The following CNTNAP5 variants were observed in gnomAD, a reference collection of about 807,000 sequenced individuals.
CNTNAP5 encodes the protein contactin associated protein family member 5.
Under a neutral mutation model 150.2 loss-of-function variants are expected in CNTNAP5, and 72 were observed. The observed-to-expected ratio is 0.48, with a 90% CI of 0.40 to 0.58. The LOEUF is 0.58. Ranked by LOEUF, CNTNAP5 falls within the 20% of genes least tolerant of loss-of-function variation. The pLI, the probability that CNTNAP5 is intolerant of heterozygous loss-of-function variation, is 0.00. For synonymous variants in CNTNAP5, 672 were observed against 619.8 expected (o/e 1.08, Z -1.25); for missense variants, 1,636 against 1,626.2 (o/e 1.01, Z -0.10).
rs187424969 is a variant in CNTNAP5, at chr2:124,387,926, G to C, written c.382-29517G>C. 8.1e-3 allele frequency among the ~76,000 whole-genome samples: 1,226 copies of C among 152,248 alleles called. 11 individuals carry two copies. The highest frequency in any genetic ancestry group is 0.012 in the Non-Finnish European group (800 of 68,016). ...CTCTGAGTCCAAAGCTTTTGCTGGG[G>C]AATGCAATCCTAGAGAATCAGGAGT... On this transcript the variant is annotated intron_variant, in intron 3 of 23. Coordinates refer to ENST00000682447, the MANE Select transcript of CNTNAP5 (RefSeq NM_001367498.1).
At chr2:124,616,095 C>T (rs1308636861) in intron 12 of CNTNAP5, among the ~76,000 whole-genome samples, 2 of 152,090 alleles carry the variant, frequency 1.3e-5, no homozygotes, top group African/African-American at 4.8e-5. Context: ...TCTTATGGAT[C>T]CTAGGATTTT....
chr2:124,845,268 G>C (rs972734347), intron 19 of CNTNAP5, among the ~76,000 whole-genome samples: 1 of 151,762 alleles, frequency 6.6e-6, no homozygotes, highest in Non-Finnish European at 1.5e-5. Context: ...TTTTGTTTAG[G>C]TGTTGTATCA....
rs540170184 is a variant in CNTNAP5, at chr2:124,480,118, C to G, written c.1062+5236C>G. 5.3e-5 allele frequency among the ~76,000 whole-genome samples: 8 copies of G among 152,318 alleles called. No individual in the cohort carries two copies. The South Asian group carries it at 1.7e-3, about 32-fold the overall frequency. On this transcript the variant is annotated intron_variant, in intron 7 of 23. Transcript: ENST00000682447. ...AATAAAAGTTGATTGGAGATAGCTC[C>G]TGTTCTTTCCTGAATCTGAGTTTCT...
chr2:124,229,422 G>A (rs1003725559), intron 2 of CNTNAP5, among the ~76,000 whole-genome samples: 1 of 152,064 alleles, frequency 6.6e-6, no homozygotes, highest in East Asian at 1.9e-4. Context: ...TCGATAGAAG[G>A]GATTTGCCAA....
intron 3 of CNTNAP5, among the ~76,000 whole-genome samples, chr2:124,285,818 A>G: frequency 6.6e-6 from 1 of 151,930 alleles, no homozygotes; most frequent in East Asian, 1.9e-4. Flanking sequence ...CAAACAAACA[A>G]ACAAACGAAA....
intron 3 of CNTNAP5, among the ~76,000 whole-genome samples, chr2:124,247,595 A>T (rs5013871): frequency 1.4e-5 from 2 of 138,476 alleles, no homozygotes; most frequent in African/African-American, 5.1e-5. Context: ...ATATACAAAA[A>T]AATGGGAAGA....
At position 124,748,513 on chromosome 2, in the gene CNTNAP5, C is replaced by T. The variant is rs192538492; in HGVS notation, c.2234+1128C>T. On this transcript the variant is annotated intron_variant, in intron 14 of 23. Coordinates refer to ENST00000682447, the MANE Select transcript of CNTNAP5 (RefSeq NM_001367498.1). ...TTGTTTTGACTGAATTTAAAGCATTCTTTGGTTTTGGCTTAGCAATTTTGC... is the reference window on the plus strand; with the variant it reads ...TTGTTTTGACTGAATTTAAAGCATTTTTTGGTTTTGGCTTAGCAATTTTGC... Among the ~76,000 whole-genome samples the T allele has an allele frequency of 3.3e-5, 5 of 152,230 alleles. No homozygotes were observed. In the East Asian group the frequency reaches 9.7e-4, roughly 29 times the overall value.
chr2:124,679,227 A>T (rs1679009161), intron 13 of CNTNAP5, among the ~76,000 whole-genome samples: 1 of 151,842 alleles, frequency 6.6e-6, no homozygotes, highest in Admixed American at 6.7e-5. Context: ...CCTCAAGGAG[A>T]TGAATTGAGC....
chr2:124,027,048 A>G (rs1479739737), intron 1 of CNTNAP5, among the ~76,000 whole-genome samples: 2 of 152,202 alleles, frequency 1.3e-5, no homozygotes, highest in Non-Finnish European at 1.5e-5. Context: ...ATTGTATTAA[A>G]GTTTGTGTTC....
At chr2:124,160,745 T>C (rs1684655647) in intron 1 of CNTNAP5, among the ~76,000 whole-genome samples, 1 of 152,174 alleles carries the variant, frequency 6.6e-6, no homozygotes, top group Non-Finnish European at 1.5e-5. Context: ...TAGTATTGCT[T>C]CTGCACAAGC....
chr2:124,233,922 G>A (rs1048736519), intron 2 of CNTNAP5, among the ~76,000 whole-genome samples: 3 of 151,742 alleles, frequency 2.0e-5, no homozygotes, highest in Admixed American at 6.6e-5. Flanking sequence ...ACCAGAATTC[G>A]ACCAGGCACT....
intron 13 of CNTNAP5, among the ~76,000 whole-genome samples, chr2:124,706,256 C>T (rs113841016): frequency 0.022 from 3,295 of 152,202 alleles, 57 homozygotes; most frequent in Middle Eastern, 0.041. Context: ...AAAAAAAAGA[C>T]AGAATTTAAA....
intron 8 of CNTNAP5, among the ~76,000 whole-genome samples, chr2:124,510,477 G>GTATATATATATATA (rs70996072): frequency 1.3e-4 from 13 of 102,586 alleles, no homozygotes; most frequent in Non-Finnish European, 2.1e-4. Context: ...TTATGTATGT[G>GTATATATATATATA]TATATATATA....
intron 21 of CNTNAP5, among the ~76,000 whole-genome samples, chr2:124,878,074 G>A (rs778654850): frequency 1.1e-4 from 17 of 152,034 alleles, no homozygotes; most frequent in Non-Finnish European, 2.1e-4. Context: ...CCACAGTTTG[G>A]TTTTTAAGGA....
intron 8 of CNTNAP5, among the ~76,000 whole-genome samples, chr2:124,509,030 A>C (rs1188519422): frequency 6.6e-6 from 1 of 151,250 alleles, no homozygotes; most frequent in Admixed American, 6.6e-5. Flanking sequence ...GTATGTCCCA[A>C]ATGGGTCAGA....
At chr2:124,551,448 G>A (rs1203354476) in intron 10 of CNTNAP5, among the ~76,000 whole-genome samples, 2 of 152,124 alleles carry the variant, frequency 1.3e-5, no homozygotes, top group African/African-American at 2.4e-5. Flanking sequence ...AAAGCTTTCA[G>A]AAAAGCTATC....
chr2:124,695,169 G>C (rs1004844455), intron 13 of CNTNAP5, among the ~76,000 whole-genome samples: 2 of 152,122 alleles, frequency 1.3e-5, no homozygotes, highest in Non-Finnish European at 2.9e-5. Flanking sequence ...AGTTTCTGTG[G>C]TGTGAATAAT....
intron 10 of CNTNAP5, among the ~76,000 whole-genome samples, chr2:124,537,068 C>G (rs7600147): frequency 0.017 from 2,556 of 150,342 alleles, 72 homozygotes; most frequent in African/African-American, 0.059. Context: ...GAGAGAGAGA[C>G]AGAGAGACTA....
intron 1 of CNTNAP5, among the ~76,000 whole-genome samples, chr2:124,127,592 A>C (rs953939126): frequency 1.3e-5 from 2 of 152,152 alleles, no homozygotes; most frequent in African/African-American, 4.8e-5. Flanking sequence ...AAAAGAGCCT[A>C]CATTGCCAAG....
Sources: allele counts gnomAD v4.1 joint callset (sites outside exome capture counted in the v4.1 genomes callset), GRCh38; gene constraint gnomAD v4.1.1; transcripts MANE v1.5; gene names NCBI Gene and HGNC (gene_info 2026-07-23, HGNC 2026-07-21).